The following CEP85L variants were observed in gnomAD, a reference collection of about 807,000 sequenced individuals.
The protein encoded by CEP85L is centrosomal protein 85L.
In CEP85L, 60 loss-of-function variants were observed where a neutral mutation model predicts 100.3. The ratio of observed to expected loss-of-function variants is 0.60; its 90% CI spans 0.49 to 0.74. CEP85L has a LOEUF of 0.74. CEP85L is among the 30% of genes least tolerant of loss of function. CEP85L has a pLI of 0.00. For missense variants in CEP85L, 973 were observed against 936.2 expected (o/e 1.04, Z -0.51); for synonymous variants, 319 against 322.7 (o/e 0.99, Z 0.12).
chr6:118,555,169 C>T (rs1778778250), intron 3 of CEP85L, among the ~76,000 whole-genome samples: 1 of 152,166 alleles, frequency 6.6e-6, no homozygotes, highest in African/African-American at 2.4e-5. Flanking sequence ...CAGTGGCTCA[C>T]GCCTGCAATC....
intron 1 of CEP85L, among the ~76,000 whole-genome samples, chr6:118,684,916 T>C (rs773980273): frequency 6.6e-6 from 1 of 152,206 alleles, no homozygotes; most frequent in Non-Finnish European, 1.5e-5. Context: ...CCTCCCAAAG[T>C]GCTGGGATTA....
chr6:118,604,540 T>C (rs906031119), intron 2 of CEP85L, among the ~76,000 whole-genome samples: 6 of 152,256 alleles, frequency 3.9e-5, no homozygotes, highest in East Asian at 1.9e-4. Context: ...ACCTTGCATA[T>C]AGAACTGTTT....
At position 118,598,932 on chromosome 6, in the gene CEP85L, G is replaced by A. The variant is rs759679597; in HGVS notation, c.233-32616C>T. Among the ~76,000 whole-genome samples, 98 of 152,176 alleles carry A rather than the reference G, an allele frequency of 6.4e-4. 1 individual carries two copies. Among genetic ancestry groups the A allele is most frequent in the Non-Finnish European group, 1.2e-3 (83 of 68,036 alleles). ...AGGGAAGTTATAGATAAGCAAGGGA[G>A]AAGGGCTAAAATAAATCCTGCTGTC... is the stretch of plus-strand genomic sequence containing the variant. On this transcript the variant is annotated intron_variant, in intron 2 of 12. Coordinates refer to ENST00000368491, the MANE Select transcript of CEP85L (RefSeq NM_001042475.3).
intron 5 of CEP85L, among the ~76,000 whole-genome samples, chr6:118,493,934 C>A (rs183087750): frequency 1.4e-3 from 220 of 151,752 alleles, no homozygotes; most frequent in African/African-American, 5.1e-3. Context: ...AGTTTCTAGC[C>A]CAGCGTGTAA....
intron 3 of CEP85L, among the ~76,000 whole-genome samples, chr6:118,530,840 TGAAA>T (rs1325398096): frequency 7.1e-6 from 1 of 140,856 alleles, no homozygotes; most frequent in African/African-American, 2.7e-5. Context: ...AAAACACTGC[TGAAA>T]GAAATGAGAT....
At chr6:118,687,086 G>A (rs908316916) in intron 1 of CEP85L, among the ~76,000 whole-genome samples, 11 of 152,130 alleles carry the variant, frequency 7.2e-5, no homozygotes, top group Non-Finnish European at 1.3e-4. Flanking sequence ...TACATAGTCT[G>A]TTCCATTTGC....
intron 10 of CEP85L, among the ~76,000 whole-genome samples, chr6:118,472,761 T>C (rs562164626): frequency 6.6e-6 from 1 of 152,182 alleles, no homozygotes; most frequent in East Asian, 1.9e-4. Context: ...ACTAGACATG[T>C]AGGGGATTAA....
chr6:118,480,032 T>G, intron 9 of CEP85L, 111 bp from the exon 10 acceptor site: 1 of 660,262 alleles, frequency 1.5e-6, no homozygotes, highest in Non-Finnish European at 2.5e-6. Context: ...TTTAAAAGGG[T>G]CTTTTTAAAA....
chr6:118,620,948 C>A (rs1010252372), intron 2 of CEP85L, among the ~76,000 whole-genome samples: 1 of 152,116 alleles, frequency 6.6e-6, no homozygotes, highest in East Asian at 1.9e-4. Context: ...TACACGAATA[C>A]GGGGGACAAA....
intron 1 of CEP85L, among the ~76,000 whole-genome samples, chr6:118,698,090 C>T (rs755369283): frequency 1.5e-4 from 23 of 152,194 alleles, no homozygotes; most frequent in Non-Finnish European, 3.2e-4. Flanking sequence ...GGGCCCTACT[C>T]AAAGCTGTTA....
rs11460454 is a variant in CEP85L, at chr6:118,615,438, G to GAA, written c.232+17013_232+17014dup. Among the ~76,000 whole-genome samples, 1,100 of 149,124 alleles carry GAA rather than the reference G, an allele frequency of 7.4e-3. 11 individuals carry two copies. The highest frequency in any genetic ancestry group is 0.025 in the East Asian group (129 of 5,072). ...ATAACTCTACCCAAAAAGTAAATGG[G>GAA]AAAAAAAAAAACCTCAGTCTATGTC... On this transcript the variant is annotated intron_variant, in intron 2 of 12. Transcript: ENST00000368491.
At chr6:118,677,543 A>G (rs748661722) in intron 1 of CEP85L, among the ~76,000 whole-genome samples, 2 of 152,190 alleles carry the variant, frequency 1.3e-5, no homozygotes, top group Non-Finnish European at 2.9e-5. Context: ...TCCCAACCCT[A>G]TATCTCTAGC....
intron 3 of CEP85L, among the ~76,000 whole-genome samples, chr6:118,551,967 C>T (rs935164178): frequency 1.3e-5 from 2 of 151,958 alleles, no homozygotes; most frequent in Non-Finnish European, 2.9e-5. Context: ...AGGGTATATG[C>T]ACATTCACTT....
chr6:118,652,818 A>G, upstream of CEP85L: 1 of 1,134,136 alleles, frequency 8.8e-7, no homozygotes, highest in Non-Finnish European at 1.3e-6. Context: ...TCTGATGATA[A>G]AAAGATACAG....
intron 3 of CEP85L, among the ~76,000 whole-genome samples, chr6:118,549,477 T>C (rs1778409619): frequency 6.6e-6 from 1 of 151,818 alleles, no homozygotes; most frequent in Non-Finnish European, 1.5e-5. Context: ...TCATATTTCA[T>C]ATATATGTTA....
intron 3 of CEP85L, among the ~76,000 whole-genome samples, chr6:118,548,629 T>C (rs1042978122): frequency 7.9e-5 from 12 of 152,264 alleles, no homozygotes; most frequent in African/African-American, 2.6e-4. Context: ...TCCTGGTTAC[T>C]GGTTTGTCAT....
intron 1 of CEP85L, among the ~76,000 whole-genome samples, chr6:118,650,097 G>A (rs913549419): frequency 1.7e-4 from 26 of 151,982 alleles, no homozygotes; most frequent in Non-Finnish European, 3.4e-4. Context: ...TAACAGCTTT[G>A]GAAATGTATG....
chr6:118,501,858 C>G (rs1201158364), intron 5 of CEP85L: 16 of 1,298,462 alleles, frequency 1.2e-5, no homozygotes, highest in Non-Finnish European at 1.5e-5. Flanking sequence ...GAAGCACAAG[C>G]CTTCAAGAGT....
intron 2 of CEP85L, among the ~76,000 whole-genome samples, chr6:118,572,993 C>CAG (rs2115035516): frequency 6.6e-6 from 1 of 152,254 alleles, no homozygotes; most frequent in East Asian, 1.9e-4. Flanking sequence ...ACCCAGGAGG[C>CAG]AGAGGTTGCA....
Sources: gnomAD v4.1 joint callset for allele counts (sites outside exome capture counted in the v4.1 genomes callset) on GRCh38, gnomAD v4.1.1 for gene constraint, MANE v1.5 for transcripts, NCBI Gene and HGNC (gene_info 2026-07-23, HGNC 2026-07-21) for gene names.